Variants in KCMF1 observed in about 807,000 individuals in gnomAD.
The protein encoded by KCMF1 is E3 ubiquitin-protein ligase KCMF1.
KCMF1 carries 3 observed loss-of-function variants against 41.1 expected under a neutral mutation model. The observed-to-expected ratio is 0.07, with a 90% CI of 0.03 to 0.19. KCMF1 has a LOEUF of 0.19. Among genes scored for constraint, KCMF1 ranks in the 10% least tolerant of loss-of-function variants. The pLI, the probability that KCMF1 is intolerant of heterozygous loss-of-function variation, is 1.00. For synonymous variants in KCMF1, 142 were observed against 164.5 expected (o/e 0.86, Z 1.04); for missense variants, 286 against 488.9 (o/e 0.58, Z 3.91).
intron 1 of KCMF1, among the ~76,000 whole-genome samples, chr2:85,016,121 G>A (rs776238851): frequency 6.6e-6 from 1 of 152,158 alleles, no homozygotes; most frequent in Non-Finnish European, 1.5e-5. Flanking sequence ...TAAGACTACT[G>A]CGTGAAGACT....
intron 1 of KCMF1, among the ~76,000 whole-genome samples, chr2:85,009,169 T>A (rs971912688): frequency 6.6e-6 from 1 of 152,128 alleles, no homozygotes; most frequent in African/African-American, 2.4e-5. Flanking sequence ...GTTCTTGAGA[T>A]AGTAAGTTCT....
Position 85,037,056 on chromosome 2 carries a change from A to C in KCMF1, c.324+1901A>C, listed in dbSNP as rs151207603. Among the ~76,000 whole-genome samples, 64 of 143,040 alleles carry C rather than the reference A, an allele frequency of 4.5e-4. 1 individual carries two copies. In the East Asian group the frequency reaches 0.01, roughly 23 times the overall value. 93.8% of individuals were successfully genotyped at this position (143,040 alleles called of 152,430 possible). A position where few individuals can be genotyped will look rare whatever the true frequency, so the allele number is the denominator to read the frequency against. ...TGTTGTTTACACTCTGGCATACCTG[A>C]TACACAGTTTGAAAATTAAATACCC... is the stretch of plus-strand genomic sequence containing the variant. On this transcript the variant is annotated intron_variant, in intron 3 of 6. Transcript: ENST00000409785.
At chr2:85,033,582 A>C (rs1675334615) in intron 2 of KCMF1, among the ~76,000 whole-genome samples, 1 of 152,206 alleles carries the variant, frequency 6.6e-6, no homozygotes, top group Admixed American at 6.5e-5. Flanking sequence ...TAAGTGACAG[A>C]CAGCCTCCCT....
intron 2 of KCMF1, among the ~76,000 whole-genome samples, chr2:85,030,145 C>T (rs1015773730): frequency 1.3e-5 from 2 of 152,100 alleles, no homozygotes; most frequent in African/African-American, 4.8e-5. Context: ...TGTATATCTA[C>T]TTTGAAGAAA....
At chr2:85,022,165 A>G (rs116621784) in intron 1 of KCMF1, among the ~76,000 whole-genome samples, 183 of 151,904 alleles carry the variant, frequency 1.2e-3, no homozygotes, top group African/African-American at 4.0e-3. Flanking sequence ...TATTCATTCA[A>G]CAAACAATAA....
chr2:84,982,784 G>T (rs1350515030), intron 1 of KCMF1, among the ~76,000 whole-genome samples: 1 of 152,176 alleles, frequency 6.6e-6, no homozygotes, highest in African/African-American at 2.4e-5. Flanking sequence ...CATGTTCAAA[G>T]ATCTTGATGT....
chr2:85,003,128 T>C (rs1421630635), intron 1 of KCMF1, among the ~76,000 whole-genome samples: 1 of 152,196 alleles, frequency 6.6e-6, no homozygotes, highest in Non-Finnish European at 1.5e-5. Flanking sequence ...GGATTTCTTA[T>C]CACATGAATT....
In KCMF1 at chr2:85,027,903, G is replaced by A; in HGVS notation, c.31G>A (p.Ala11Thr). The A allele has an allele frequency of 6.2e-7, 1 of 1,607,644 alleles. No homozygotes were observed. Among genetic ancestry groups the A allele is most frequent in the African/African-American group, 1.3e-5 (1 of 74,768 alleles). ...TTTTTTTATAGGTGTCAGCTGTGAT[G>A]CATGTTTAAAAGGAAATTTTCGAGG... MSRHEGVSCD[A>T]CLKGNFRGRR... Residue 11 changes from alanine (A) to threonine (T), a missense_variant, in exon 2 of 7, where the codon GCA (alanine) becomes ACA (threonine). By Grantham distance (58) the Ala-to-Thr change is moderately conservative. Coordinates refer to ENST00000409785, the MANE Select transcript of KCMF1 (RefSeq NM_020122.5).
chr2:85,018,618 G>A (rs1362512799), intron 1 of KCMF1, among the ~76,000 whole-genome samples: 1 of 151,858 alleles, frequency 6.6e-6, no homozygotes, highest in Non-Finnish European at 1.5e-5. Flanking sequence ...TTATTATTTG[G>A]TTAACTCAGT....
chr2:84,991,696 T>G (rs1442649549), intron 1 of KCMF1, among the ~76,000 whole-genome samples: 1 of 152,098 alleles, frequency 6.6e-6, no homozygotes, highest in Non-Finnish European at 1.5e-5. Context: ...CTCTCCAATA[T>G]AATCAAGAGG....
At chr2:84,982,404 T>TTC (rs1269566389) in intron 1 of KCMF1, among the ~76,000 whole-genome samples, 16 of 105,888 alleles carry the variant, frequency 1.5e-4, no homozygotes, top group African/African-American at 5.2e-4. Flanking sequence ...TTTTTTTTTT[T>TTC]TTTTTTTTTT....
chr2:84,974,262 C>T (rs1238054241), intron 1 of KCMF1, among the ~76,000 whole-genome samples: 1 of 152,146 alleles, frequency 6.6e-6, no homozygotes, highest in Non-Finnish European at 1.5e-5. Flanking sequence ...TTTGAACAAG[C>T]CTATCATGTT....
At chr2:85,008,335 A>ATATAATATATAATATATATAATATATC (rs1558573516) in intron 1 of KCMF1, among the ~76,000 whole-genome samples, 4 of 15,002 alleles carry the variant, frequency 2.7e-4, no homozygotes, top group African/African-American at 4.3e-4. Context: ...TATAATATAT[A>ATATAATATATAATATATATAATATATC]ATATGATATA....
intron 1 of KCMF1, among the ~76,000 whole-genome samples, chr2:84,997,616 G>A (rs1462375364): frequency 6.6e-6 from 1 of 152,122 alleles, no homozygotes; most frequent in Non-Finnish European, 1.5e-5. Context: ...GAGGCAAGGA[G>A]CATGAGGTAC....
chr2:84,982,019 T>C (rs114102378), intron 1 of KCMF1, among the ~76,000 whole-genome samples: 1,863 of 152,014 alleles, frequency 0.012, 50 homozygotes, highest in African/African-American at 0.043. Context: ...CTGACCTCAG[T>C]TGGTCCGCCT....
intron 1 of KCMF1, among the ~76,000 whole-genome samples, chr2:84,998,291 C>T (rs1050055744): frequency 6.6e-6 from 1 of 151,820 alleles, no homozygotes; most frequent in East Asian, 1.9e-4. Context: ...AACAGGGTTT[C>T]ACCATGTTAG....
At chr2:85,044,783 T>G (rs956813613) in intron 4 of KCMF1, among the ~76,000 whole-genome samples, 2 of 152,226 alleles carry the variant, frequency 1.3e-5, no homozygotes, top group African/African-American at 2.4e-5. Context: ...CTTCCCAAAG[T>G]GCTGGGATTC....
Position 84,971,265 on chromosome 2 carries a change from C to T in KCMF1, c.-187C>T. 1 of 155,870 alleles carries T rather than the reference C, an allele frequency of 6.4e-6. No individual in the cohort carries two copies. Among genetic ancestry groups the T allele is most frequent in the Non-Finnish European group, 1.4e-5 (1 of 73,484 alleles). 9.7% of individuals were successfully genotyped at this position (155,870 alleles called of 1,614,324 possible). A position where few individuals can be genotyped will look rare whatever the true frequency, so the allele number is the denominator to read the frequency against. On this transcript the variant is annotated 5_prime_UTR_variant, in exon 1 of 7. Coordinates refer to ENST00000409785, the MANE Select transcript of KCMF1 (RefSeq NM_020122.5). ...CGACCAGGCCCGGCCCCATTCCCGC[C>T]CCGCGCCGCCTCCCCGCCGCCGCCG...
chr2:85,032,780 T>A (rs1233579596), intron 2 of KCMF1, among the ~76,000 whole-genome samples: 1 of 152,198 alleles, frequency 6.6e-6, no homozygotes, highest in Non-Finnish European at 1.5e-5. Flanking sequence ...CCTCCCAAAG[T>A]GCTAGGATTA....
Sources: allele counts gnomAD v4.1 joint callset (sites outside exome capture counted in the v4.1 genomes callset), GRCh38; gene constraint gnomAD v4.1.1; transcripts MANE v1.5; gene names NCBI Gene and HGNC (gene_info 2026-07-23, HGNC 2026-07-21).